Variants in NPHP4 observed in about 807,000 individuals in gnomAD.
NPHP4 encodes the protein nephrocystin 4.
Under a neutral mutation model 155.8 loss-of-function variants are expected in NPHP4, and 151 were observed. That is an observed-to-expected ratio of 0.97 (90% CI 0.85 to 1.11). The LOEUF (loss-of-function observed/expected upper bound fraction) is 1.11. NPHP4 is among the 50% of genes least tolerant of loss of function. The probability of loss-of-function intolerance (pLI) is 0.00; values close to 1 mark genes in which losing one functional copy is unlikely to be tolerated. For missense variants in NPHP4, 1,956 were observed against 1,925.7 expected (o/e 1.02, Z -0.29); for synonymous variants, 845 against 816.8 (o/e 1.03, Z -0.59).
At chr1:5,894,005 T>C (rs1328290389) in intron 16 of NPHP4, among the ~76,000 whole-genome samples, 2 of 152,218 alleles carry the variant, frequency 1.3e-5, no homozygotes, top group African/African-American at 2.4e-5. Context: ...TATTATAATA[T>C]TGGAATACAG....
At chr1:5,963,572 C>A (rs1650767119) in intron 5 of NPHP4, among the ~76,000 whole-genome samples, 1 of 152,078 alleles carries the variant, frequency 6.6e-6, no homozygotes, top group African/African-American at 2.4e-5. Flanking sequence ...GAAAAGACTC[C>A]AAATGCTCAG....
chr1:5,905,191 C>CTCG lies in NPHP4; in HGVS notation c.1955+100_1955+101insCGA. The stretch of plus-strand genomic sequence containing the variant: ...ATGGCACTCCCGAATCTACTAAGAC[C>CTCG]TCAGCACAGACAGTTCTGCCAGGTC... On this transcript the variant is annotated intron_variant, in intron 15 of 29. Transcript: ENST00000378156. This position sits in a 1 kb window ranked among gnomAD's most constrained non-coding sequence, Gnocchi z 4.0. The CTCG allele has an allele frequency of 2.1e-6, 2 of 968,862 alleles. No homozygotes were observed. The highest frequency in any genetic ancestry group is 4.8e-5 in the East Asian group (2 of 41,758). 60.0% of individuals were successfully genotyped at this position (968,862 alleles called of 1,614,324 possible).
At chr1:5,893,730 G>T (rs1644256505) in intron 16 of NPHP4, among the ~76,000 whole-genome samples, 1 of 152,186 alleles carries the variant, frequency 6.6e-6, no homozygotes. Flanking sequence ...CTCCCCCGGG[G>T]AAAGAGAGAC....
At chr1:5,869,407 A>G (rs1641771445) in intron 23 of NPHP4, among the ~76,000 whole-genome samples, 1 of 152,314 alleles carries the variant, frequency 6.6e-6, no homozygotes, top group Middle Eastern at 3.4e-3. Context: ...ACACACTGAG[A>G]AGGAGAGAGT....
chr1:5,866,504 G>T, intron 25 of NPHP4, 46 bp from the exon 26 acceptor site: 1 of 1,174,562 alleles, frequency 8.5e-7, no homozygotes, highest in South Asian at 1.3e-5. Flanking sequence ...GTGCTCTGCC[G>T]ACCCCAGCCT....
intron 6 of NPHP4, among the ~76,000 whole-genome samples, chr1:5,956,064 G>A (rs1018232724): frequency 2.1e-5 from 3 of 143,222 alleles, no homozygotes; most frequent in Non-Finnish European, 3.0e-5. Flanking sequence ...AAAGCTGGGG[G>A]GGGGGGGTGC....
intron 2 of NPHP4, among the ~76,000 whole-genome samples, chr1:5,983,337 G>T (rs1365643168): frequency 6.6e-6 from 1 of 152,200 alleles, no homozygotes; most frequent in Admixed American, 6.5e-5. Flanking sequence ...TGGGAACTTA[G>T]ATTTCAAGAG....
intron 17 of NPHP4, chr1:5,888,340 C>G (rs1643926348): frequency 2.7e-5 from 29 of 1,068,540 alleles, no homozygotes; most frequent in Non-Finnish European, 3.3e-5. Flanking sequence ...CGTGCCCTCT[C>G]TGCTCTGGTG....
At chr1:5,906,411 C>T (rs1644916765) in intron 13 of NPHP4, among the ~76,000 whole-genome samples, 1 of 152,214 alleles carries the variant, frequency 6.6e-6, no homozygotes, top group Non-Finnish European at 1.5e-5. Context: ...TGTTTCAGCC[C>T]AGAGGAAACC....
intron 5 of NPHP4, among the ~76,000 whole-genome samples, chr1:5,965,339 C>T (rs1352192644): frequency 6.6e-6 from 1 of 152,160 alleles, no homozygotes; most frequent in Non-Finnish European, 1.5e-5. Context: ...CAGCAGGTTC[C>T]TCCTCACAGC....
At position 5,909,056 on chromosome 1, in the gene NPHP4, C is replaced by T. The variant is rs541354344; in HGVS notation, c.1503+96G>A. The stretch of plus-strand genomic sequence containing the variant: ...GGCCCTCCCCAGCCACGCAGAAGCA[C>T]GCAGGGATCCACTGTGCTTAAGGGG... On this transcript the variant is annotated intron_variant, in intron 12 of 29. Transcript: ENST00000378156. 3.3e-5 allele frequency: 35 copies of T among 1,048,228 alleles called. 1 individual carries two copies. The highest frequency in any genetic ancestry group is 2.3e-4 in the South Asian group (17 of 74,164). 64.9% of individuals were successfully genotyped at this position (1,048,228 alleles called of 1,614,324 possible).
At chr1:5,978,232 G>T (rs371980759) in intron 3 of NPHP4, 38 bp downstream of exon 3, 3 of 1,582,538 alleles carry the variant, frequency 1.9e-6, no homozygotes, top group Non-Finnish European at 2.6e-6. Flanking sequence ...CACACCCTCC[G>T]CCTTGGAGCA....
At chr1:5,866,977 G>C in intron 25 of NPHP4, 53 bp downstream of exon 25, 1 of 1,395,606 alleles carries the variant, frequency 7.2e-7, no homozygotes, top group Non-Finnish European at 1.0e-6. Context: ...GCCGACAGGG[G>C]CGCAGACTCA....
At chr1:5,988,062 C>T (rs922118484) in intron 1 of NPHP4, among the ~76,000 whole-genome samples, 2 of 152,156 alleles carry the variant, frequency 1.3e-5, no homozygotes, top group Admixed American at 6.5e-5. Context: ...TGCATGACTC[C>T]GTGAACCAAT....
Position 5,966,411 on chromosome 1 carries a change from A to G in NPHP4, c.517+888T>C, listed in dbSNP as rs551840111. Among the ~76,000 whole-genome samples the G allele has an allele frequency of 5.9e-5, 9 of 152,024 alleles. 1 individual carries two copies. The highest frequency in any genetic ancestry group is 1.9e-4 in the African/African-American group (8 of 41,462). On this transcript the variant is annotated intron_variant, in intron 5 of 29. Transcript: ENST00000378156. ...CAGGCACACACCACTACACCTGGCT[A>G]AATTTTTGTATTTTTTATAGAGACA...
At chr1:5,950,651 G>C (rs1213698200) in intron 7 of NPHP4, among the ~76,000 whole-genome samples, 1 of 152,122 alleles carries the variant, frequency 6.6e-6, no homozygotes, top group African/African-American at 2.4e-5. Context: ...GCCTCCACGA[G>C]AGCAAGCCCA....
rs376987188 is a variant in NPHP4, at chr1:5,961,060, G to A, written c.673+734C>T. ...ACACACTATAACATGGATGAACCTCGAAAACACTCCACTCAGAACTTTGAA... is the reference window on the plus strand; with the variant it reads ...ACACACTATAACATGGATGAACCTCAAAAACACTCCACTCAGAACTTTGAA... On this transcript the variant is annotated intron_variant, in intron 6 of 29. Transcript: ENST00000378156. 1.1e-4 allele frequency among the ~76,000 whole-genome samples: 16 copies of A among 152,248 alleles called. 1 individual carries two copies. The highest frequency in any genetic ancestry group is 3.6e-4 in the African/African-American group (15 of 41,554).
intron 7 of NPHP4, among the ~76,000 whole-genome samples, chr1:5,950,300 G>A (rs540649270): frequency 1.2e-3 from 178 of 152,226 alleles, no homozygotes; most frequent in African/African-American, 3.8e-3. Context: ...ATAACAGACC[G>A]CACCAGCCTT....
intron 16 of NPHP4, among the ~76,000 whole-genome samples, chr1:5,893,750 C>T (rs546951961): frequency 1.3e-5 from 2 of 152,324 alleles, no homozygotes; most frequent in South Asian, 2.1e-4. Flanking sequence ...CTCCCTTTCC[C>T]GGTCTGCTAA....
Sources: allele counts gnomAD v4.1 joint callset (sites outside exome capture counted in the v4.1 genomes callset), GRCh38; gene constraint gnomAD v4.1.1; non-coding constraint Gnocchi (gnomAD v3.1); transcripts MANE v1.5; gene names NCBI Gene and HGNC (gene_info 2026-07-23, HGNC 2026-07-21).